FCHSD2: variants seen among roughly 807,000 people sequenced by gnomAD.
The protein encoded by FCHSD2 is F-BAR and double SH3 domains protein 2.
In FCHSD2, 38 loss-of-function variants were observed where a neutral mutation model predicts 108.1. That is an observed-to-expected ratio of 0.35 (90% CI 0.27 to 0.46). The LOEUF (loss-of-function observed/expected upper bound fraction) is 0.46, where lower values mean the gene tolerates loss of function less well. FCHSD2 is among the 20% of genes least tolerant of loss of function. The probability of loss-of-function intolerance (pLI) is 1.00; values close to 1 mark genes in which losing one functional copy is unlikely to be tolerated. For synonymous variants in FCHSD2, 279 were observed against 314.7 expected (o/e 0.89, Z 1.20); for missense variants, 751 against 897.8 (o/e 0.84, Z 2.09).
At chr11:72,841,739 C>T (rs936732317) in intron 17 of FCHSD2, among the ~76,000 whole-genome samples, 156 bp from the exon 18 acceptor site, 2 of 152,158 alleles carry the variant, frequency 1.3e-5, no homozygotes, top group African/African-American at 4.8e-5. Flanking sequence ...ATTAAATAAC[C>T]ACCTCAAGCT....
intron 5 of FCHSD2, among the ~76,000 whole-genome samples, chr11:72,998,154 A>T (rs887832581): frequency 6.6e-6 from 1 of 152,228 alleles, no homozygotes; most frequent in Non-Finnish European, 1.5e-5. Flanking sequence ...ACAGCCAAAA[A>T]GTCATAAATG....
intron 1 of FCHSD2, among the ~76,000 whole-genome samples, chr11:73,141,544 C>A (rs1023597848): frequency 8.5e-5 from 13 of 152,266 alleles, no homozygotes; most frequent in African/African-American, 3.1e-4. Flanking sequence ...CCCCTCGGTG[C>A]AGCCCCGAGA....
intron 17 of FCHSD2, among the ~76,000 whole-genome samples, chr11:72,842,095 ACT>A (rs1378300886): frequency 6.6e-6 from 1 of 152,132 alleles, no homozygotes. Context: ...GACAAACTAA[ACT>A]CTGACTGAAT....
At chr11:73,136,330 A>T (rs956197005) in intron 2 of FCHSD2, among the ~76,000 whole-genome samples, 4 of 152,066 alleles carry the variant, frequency 2.6e-5, no homozygotes, top group African/African-American at 9.7e-5. Flanking sequence ...CAGTGGCCTG[A>T]CGGTAGGACT....
intron 3 of FCHSD2, among the ~76,000 whole-genome samples, chr11:73,021,075 G>A (rs753074466): frequency 4.0e-5 from 6 of 151,898 alleles, no homozygotes; most frequent in Admixed American, 6.6e-5. Flanking sequence ...ATGGGGTCTC[G>A]CTATGTTGCC....
In FCHSD2 at chr11:72,933,337, T is replaced by C. The variant is rs181152218; in HGVS notation, c.706-11387A>G. On this transcript the variant is annotated intron_variant, in intron 8 of 19. Transcript: ENST00000409418. Reference sequence around the variant, plus strand: ...AGTGCCTATCTGTAGTAGGAAAGAATTAAACCAACTCACAGAGAAAAGCAG... The same window carrying C: ...AGTGCCTATCTGTAGTAGGAAAGAACTAAACCAACTCACAGAGAAAAGCAG... Among the ~76,000 whole-genome samples the C allele has an allele frequency of 1.2e-3, 179 of 152,306 alleles. 2 individuals carry two copies. Among genetic ancestry groups the C allele is most frequent in the Non-Finnish European group, 1.3e-3 (90 of 68,026 alleles).
chr11:72,903,499 G>A (rs1414742018), intron 9 of FCHSD2, among the ~76,000 whole-genome samples: 1 of 152,104 alleles, frequency 6.6e-6, no homozygotes, highest in Non-Finnish European at 1.5e-5. Flanking sequence ...GATTACAGGC[G>A]TGAGCTACCG....
At chr11:72,953,567 A>G (rs1591430990) in intron 8 of FCHSD2, among the ~76,000 whole-genome samples, 1 of 152,050 alleles carries the variant, frequency 6.6e-6, no homozygotes, top group South Asian at 2.1e-4. Context: ...TCAACAAAAT[A>G]TTTATCAAGA....
chr11:72,961,269 T>C (rs1388614362), intron 8 of FCHSD2, among the ~76,000 whole-genome samples: 1 of 152,194 alleles, frequency 6.6e-6, no homozygotes, highest in Non-Finnish European at 1.5e-5. Flanking sequence ...TCTCACTCTG[T>C]TGCCCAGGCT....
chr11:73,053,329 T>C (rs370615702), intron 3 of FCHSD2, among the ~76,000 whole-genome samples: 2 of 151,826 alleles, frequency 1.3e-5, no homozygotes, highest in Admixed American at 6.6e-5. Flanking sequence ...CATTGAGAGA[T>C]AATTTAAATT....
chr11:72,953,672 G>T (rs370661533), intron 8 of FCHSD2, among the ~76,000 whole-genome samples: 5 of 152,046 alleles, frequency 3.3e-5, no homozygotes, highest in African/African-American at 1.2e-4. Flanking sequence ...GTTATGGCAG[G>T]TTGTAATAAA....
chr11:73,091,596 T>C (rs1222319474), intron 2 of FCHSD2, among the ~76,000 whole-genome samples: 1 of 152,006 alleles, frequency 6.6e-6, no homozygotes, highest in East Asian at 1.9e-4. Flanking sequence ...CCAGACAGAA[T>C]TATAGAATGT....
rs528290577 is a variant in FCHSD2, at chr11:72,843,210, G to A, written c.1646C>T (p.Thr549Met). ...SLAALDSRSH[T>M]SSNSTEAELV... ...TTCTGCTTCCGTGGAATTGCTGGAC[G>A]TGTGTGACCGACTGTCCAAAGCGGC... The change falls in exon 16 of 20, where the codon ACG becomes ATG. Residue 549 changes from threonine to methionine, a missense_variant. Thr to Met is a moderately conservative substitution (Grantham distance 81). Coordinates refer to ENST00000409418, the MANE Select transcript of FCHSD2 (RefSeq NM_014824.3). The A allele has an allele frequency of 2.9e-5, 47 of 1,614,008 alleles. No individual in the cohort carries two copies. The African/African-American group carries it at 3.7e-4, about 13-fold the overall frequency.
chr11:72,856,203 C>T (rs1861425011), intron 13 of FCHSD2, among the ~76,000 whole-genome samples: 1 of 152,132 alleles, frequency 6.6e-6, no homozygotes, highest in African/African-American at 2.4e-5. Flanking sequence ...TGTCTCCTTC[C>T]AGTGGTTCAC....
intron 6 of FCHSD2, among the ~76,000 whole-genome samples, chr11:72,985,514 C>A (rs1857294281): frequency 6.6e-6 from 1 of 152,180 alleles, no homozygotes. Context: ...GACAATCAAC[C>A]TATGGAGGCA....
rs1334017984 is a variant in FCHSD2 at position 72,838,184 on chromosome 11, T to C, written c.*607A>G. ...ACGAAGGACACTGTTATTTTAAGTC[T>C]GTTAGTTGTGGAAGAGATGTGCGTT... On this transcript the variant is annotated 3_prime_UTR_variant, in exon 20 of 20. Coordinates refer to ENST00000409418, the MANE Select transcript of FCHSD2 (RefSeq NM_014824.3). 6.6e-6 allele frequency: 1 copy of C among 152,614 alleles called. No homozygotes were observed. The highest frequency in any genetic ancestry group is 1.9e-4 in the East Asian group (1 of 5,206). The allele number at this position is 152,614 out of a possible 1,614,324, so 9.5% of individuals were successfully genotyped here.
chr11:72,869,386 G>A (rs899524315), intron 12 of FCHSD2, among the ~76,000 whole-genome samples: 1 of 151,746 alleles, frequency 6.6e-6, no homozygotes, highest in Non-Finnish European at 1.5e-5. Flanking sequence ...GGCAAGAGAA[G>A]GGGAAAGGGA....
At chr11:73,046,962 C>T (rs1213953640) in intron 3 of FCHSD2, among the ~76,000 whole-genome samples, 3 of 151,908 alleles carry the variant, frequency 2.0e-5, no homozygotes, top group Admixed American at 6.6e-5. Flanking sequence ...ATCCACAATA[C>T]GAACTATGAT....
intron 1 of FCHSD2, 128 bp downstream of exon 1, chr11:73,141,729 C>T: frequency 2.0e-6 from 2 of 1,006,030 alleles, no homozygotes; most frequent in East Asian, 3.0e-5. Context: ...GGCGGCAAGT[C>T]GGTGACAAGC....
Sources: gnomAD v4.1 joint callset for allele counts (sites outside exome capture counted in the v4.1 genomes callset) on GRCh38, gnomAD v4.1.1 for gene constraint, MANE v1.5 for transcripts, NCBI Gene and HGNC (gene_info 2026-07-23, HGNC 2026-07-21) for gene names.